PCDHGA8: variants seen among roughly 807,000 people sequenced by gnomAD.
PCDHGA8 encodes the protein protocadherin gamma-A8.
Under a neutral mutation model 59.2 loss-of-function variants are expected in PCDHGA8, and 45 were observed. The observed-to-expected ratio is 0.76, with a 90% CI of 0.60 to 0.98. PCDHGA8 has a LOEUF of 0.98. Among genes scored for constraint, PCDHGA8 ranks in the 50% least tolerant of loss-of-function variants. The pLI, the probability that PCDHGA8 is intolerant of heterozygous loss-of-function variation, is 0.00. For synonymous variants in PCDHGA8, 531 were observed against 519.0 expected, an observed-to-expected ratio of 1.02 and a Z score of -0.32; for missense variants, 1,257 against 1,196.2, an observed-to-expected ratio of 1.05 and a Z score of -0.75.
chr5:141,497,793 G>A (rs2099779480), intron 2 of PCDHGA8, among the ~76,000 whole-genome samples: 1 of 152,180 alleles, frequency 6.6e-6, no homozygotes, highest in Admixed American at 6.5e-5. Flanking sequence ...ACCTGCTTCA[G>A]CTTCCCAAAG....
intron 1 of PCDHGA8, chr5:141,416,520 G>A (rs1209482346): frequency 6.6e-6 from 1 of 152,136 alleles, no homozygotes; most frequent in African/African-American, 2.4e-5. Context: ...TATTTCAGTG[G>A]CTCTTTAATG....
chr5:141,511,453 T>G lies in PCDHGA8; in HGVS notation c.*280T>G. 1.7e-6 allele frequency: 1 copy of G among 595,822 alleles called. No individual in the cohort carries two copies. Among genetic ancestry groups the G allele is most frequent in the Non-Finnish European group, 2.8e-6 (1 of 360,062 alleles). 36.9% of individuals were successfully genotyped at this position (595,822 alleles called of 1,614,324 possible). ...GGTTACTGTAGACACCAAGAACCATTTGCCACACCCCGTTTAGTTACAGCT... is the reference window on the plus strand; with the variant it reads ...GGTTACTGTAGACACCAAGAACCATGTGCCACACCCCGTTTAGTTACAGCT... On this transcript the variant is annotated 3_prime_UTR_variant, in exon 4 of 4. Transcript: ENST00000398604.
At chr5:141,424,526 T>C (rs1020206614) in intron 1 of PCDHGA8, 2 of 152,216 alleles carry the variant, frequency 1.3e-5, no homozygotes, top group Non-Finnish European at 2.9e-5. Context: ...AGTAAATCCA[T>C]ATATAGAAAT....
intron 3 of PCDHGA8, among the ~76,000 whole-genome samples, chr5:141,506,435 G>C (rs1470687416): frequency 7.9e-6 from 1 of 126,278 alleles, no homozygotes; most frequent in East Asian, 2.1e-4. Flanking sequence ...CAACAGTCTC[G>C]CTCTGTCTCA....
chr5:141,464,824 G>A (rs1329087889), intron 1 of PCDHGA8, among the ~76,000 whole-genome samples: 2 of 151,816 alleles, frequency 1.3e-5, no homozygotes, highest in African/African-American at 2.4e-5. Context: ...CTGTAGCCTC[G>A]CACTCCTGGG....
In PCDHGA8 at chr5:141,477,073, G is replaced by A. The variant is rs755445666; in HGVS notation, c.2425-17734G>A. The A allele has an allele frequency of 1.2e-6, 2 of 1,614,264 alleles. No homozygotes were observed. The highest frequency in any genetic ancestry group is 2.2e-5 in the East Asian group (1 of 44,882). On this transcript the variant is annotated intron_variant, in intron 1 of 3. Coordinates refer to ENST00000398604, the MANE Select transcript of PCDHGA8 (RefSeq NM_032088.2). This position sits in a 1 kb window ranked among gnomAD's most constrained non-coding sequence, Gnocchi z 4.9. ...ACTTCGAGGACACCAAACTCCATGA[G>A]ATTTACATCCAGGCCAAAGACAAGG...
intron 1 of PCDHGA8, chr5:141,419,181 A>T (rs769321564): frequency 1.9e-6 from 3 of 1,613,858 alleles, no homozygotes; most frequent in Admixed American, 3.3e-5. Flanking sequence ...ATAACCCTGC[A>T]CATTACTGAC....
chr5:141,420,080 C>G, intron 1 of PCDHGA8: 2 of 1,614,010 alleles, frequency 1.2e-6, no homozygotes, highest in African/African-American at 1.3e-5. Flanking sequence ...TGTGGGTCCC[C>G]CCAACTACAG....
intron 1 of PCDHGA8, chr5:141,407,886 A>G (rs1390921977): frequency 2.6e-6 from 1 of 384,594 alleles, no homozygotes; most frequent in Non-Finnish European, 4.6e-6. Context: ...CATTTCGGAG[A>G]CCGAATTCAA....
At chr5:141,499,557 C>G (rs972965979) in intron 2 of PCDHGA8, among the ~76,000 whole-genome samples, 1 of 152,192 alleles carries the variant, frequency 6.6e-6, no homozygotes, top group African/African-American at 2.4e-5. Context: ...TATGATACCA[C>G]TATCCAGCTT....
In PCDHGA8 at chr5:141,408,733, T is replaced by C. The variant is rs753545231; in HGVS notation, c.2424+13496T>C. The C allele has an allele frequency of 7.5e-6, 12 of 1,610,158 alleles. No individual in the cohort carries two copies. The South Asian group carries it at 1.3e-4, about 18-fold the overall frequency. Reference sequence around the variant, plus strand: ...ATTATAAGATAAACTCTAATCCTTATTTTTCATTAATGGTTAGAGTTAATT... The same window carrying C: ...ATTATAAGATAAACTCTAATCCTTACTTTTCATTAATGGTTAGAGTTAATT... On this transcript the variant is annotated intron_variant, in intron 1 of 3. Transcript: ENST00000398604.
rs772807357 is a variant in PCDHGA8, at chr5:141,431,758, C to G, written c.2424+36521C>G. On this transcript the variant is annotated intron_variant, in intron 1 of 3. Transcript: ENST00000398604. This position sits in a 1 kb window ranked among gnomAD's most constrained non-coding sequence, Gnocchi z 4.8. ...CAGGATATTCTGCGCGAGCCAAAGTCCTGATCACTGTTCTGGACGTGAACG... is the reference window on the plus strand; with the variant it reads ...CAGGATATTCTGCGCGAGCCAAAGTGCTGATCACTGTTCTGGACGTGAACG... 2.0e-5 allele frequency: 32 copies of G among 1,614,054 alleles called. No individual in the cohort carries two copies. The highest frequency in any genetic ancestry group is 2.6e-5 in the Non-Finnish European group (31 of 1,180,028).
In PCDHGA8 at chr5:141,486,885, G is replaced by C. The variant is rs139638334; in HGVS notation, c.2425-7922G>C. 1.2e-6 allele frequency: 2 copies of C among 1,614,076 alleles called. No individual in the cohort carries two copies. Among genetic ancestry groups the C allele is most frequent in the East Asian group, 4.5e-5 (2 of 44,892 alleles). On this transcript the variant is annotated intron_variant, in intron 1 of 3. Coordinates refer to ENST00000398604, the MANE Select transcript of PCDHGA8 (RefSeq NM_032088.2). This position sits in a 1 kb window ranked among gnomAD's most constrained non-coding sequence, Gnocchi z 5.0. ...CCAGCTGTGCTCCGTCCTCGGGCCC[G>C]GCCTGGTTCCTTATGTCCCCAAGCA...
intron 1 of PCDHGA8, chr5:141,479,646 A>G (rs2099501987): frequency 6.6e-6 from 1 of 152,256 alleles, no homozygotes; most frequent in Admixed American, 6.5e-5. Context: ...CAACAACAAC[A>G]ACAACAATCC....
At chr5:141,465,488 G>A (rs2099104080) in intron 1 of PCDHGA8, among the ~76,000 whole-genome samples, 1 of 152,224 alleles carries the variant, frequency 6.6e-6, no homozygotes. Flanking sequence ...AGAGGAATGA[G>A]CGGGAGCATT....
chr5:141,442,930 T>C (rs77210959), intron 1 of PCDHGA8, among the ~76,000 whole-genome samples: 6,420 of 152,302 alleles, frequency 0.042, 216 homozygotes, highest in African/African-American at 0.092. Flanking sequence ...TCATTTTCTA[T>C]TTAAGAAACT....
rs61612330 is a variant in PCDHGA8, at chr5:141,454,796, A to ATTTTTTTTTTTT, written c.2425-39993_2425-39982dup. Among the ~76,000 whole-genome samples, 573 of 77,460 alleles carry ATTTTTTTTTTTT rather than the reference A, an allele frequency of 7.4e-3. 68 individuals carry two copies. Among genetic ancestry groups the ATTTTTTTTTTTT allele is most frequent in the Non-Finnish European group, 9.0e-3 (384 of 42,814 alleles). The allele number at this position is 77,460 out of a possible 152,430, so 50.8% of individuals were successfully genotyped here. A position where few individuals can be genotyped will look rare whatever the true frequency, so the allele number is the denominator to read the frequency against. On this transcript the variant is annotated intron_variant, in intron 1 of 3. Coordinates refer to ENST00000398604, the MANE Select transcript of PCDHGA8 (RefSeq NM_032088.2). ...AAGGAAATAATCCTCCATGGTTCTA[A>ATTTTTTTTTTTT]TTTTTTTTTTTTTTTTTTTTTTTTT...
At chr5:141,458,820 C>T (rs2098954225) in intron 1 of PCDHGA8, among the ~76,000 whole-genome samples, 1 of 152,070 alleles carries the variant, frequency 6.6e-6, no homozygotes, top group African/African-American at 2.4e-5. Flanking sequence ...GCAACCTCTG[C>T]CTCCCAGGCT....
rs144490159 is a variant in PCDHGA8, at chr5:141,418,260, G to A, written c.2424+23023G>A. The A allele has an allele frequency of 5.0e-3, 7,995 of 1,614,000 alleles. 44 individuals carry two copies. Among genetic ancestry groups the A allele is most frequent in the Admixed American group, 9.4e-3 (566 of 60,026 alleles). ...GTTAATGACCACGCCCCTCAATTCCGGAAAGATGAAATAAACTTAGAAATC... is the reference window on the plus strand; with the variant it reads ...GTTAATGACCACGCCCCTCAATTCCAGAAAGATGAAATAAACTTAGAAATC... On this transcript the variant is annotated intron_variant, in intron 1 of 3. Coordinates refer to ENST00000398604, the MANE Select transcript of PCDHGA8 (RefSeq NM_032088.2).
Sources: gnomAD v4.1 joint callset for allele counts (sites outside exome capture counted in the v4.1 genomes callset) on GRCh38, gnomAD v4.1.1 for gene constraint, Gnocchi (gnomAD v3.1) non-coding constraint, MANE v1.5 for transcripts, NCBI Gene and HGNC (gene_info 2026-07-23, HGNC 2026-07-21) for gene names.